Variants in USH2A observed in about 807,000 individuals in gnomAD.
USH2A encodes the protein usherin.
In USH2A, 443 loss-of-function variants were observed where a neutral mutation model predicts 538.9. That is an observed-to-expected ratio of 0.82 (90% confidence interval 0.76 to 0.89). USH2A has a LOEUF of 0.89. Ranked by LOEUF, USH2A falls within the 40% of genes least tolerant of loss-of-function variation. USH2A has a pLI of 0.00. For missense variants in USH2A, 6,633 were observed against 6,324.8 expected, an observed-to-expected ratio of 1.05 and a Z score of -1.65; for synonymous variants, 2,413 against 2,273.5, an observed-to-expected ratio of 1.06 and a Z score of -1.75.
intron 21 of USH2A, among the ~76,000 whole-genome samples, chr1:216,172,040 T>C (rs1402725710): frequency 6.6e-6 from 1 of 152,034 alleles, no homozygotes; most frequent in East Asian, 1.9e-4. Flanking sequence ...AAGGTAGATA[T>C]TGACAGGGTT....
chr1:216,150,892 G>A (rs1261426577), intron 21 of USH2A, among the ~76,000 whole-genome samples: 3 of 152,016 alleles, frequency 2.0e-5, no homozygotes, highest in Admixed American at 6.5e-5. Flanking sequence ...ACACATCACT[G>A]AAACAATTGG....
At chr1:215,927,097 A>T (rs540057187) in intron 38 of USH2A, among the ~76,000 whole-genome samples, 23 of 152,226 alleles carry the variant, frequency 1.5e-4, no homozygotes, top group South Asian at 2.1e-4. Flanking sequence ...TGTCATTATG[A>T]TTATGTCATT....
At chr1:215,724,749 T>C (rs905290023) in intron 61 of USH2A, among the ~76,000 whole-genome samples, 1 of 150,732 alleles carries the variant, frequency 6.6e-6, no homozygotes, top group Non-Finnish European at 1.5e-5. Context: ...TCACAGTCTC[T>C]GCTCTGCTCA....
At chr1:215,918,319 T>C (rs1186270938) in intron 38 of USH2A, among the ~76,000 whole-genome samples, 3 of 152,032 alleles carry the variant, frequency 2.0e-5, no homozygotes, top group African/African-American at 4.8e-5. Flanking sequence ...GCCAAGGAGA[T>C]AATATTAGGA....
At chr1:215,964,532 C>G (rs1667285381) in intron 37 of USH2A, among the ~76,000 whole-genome samples, 1 of 152,126 alleles carries the variant, frequency 6.6e-6, no homozygotes, top group African/African-American at 2.4e-5. Context: ...GCCTAAGCAA[C>G]AGACTAACAT....
chr1:216,140,202 G>T (rs1184744642), intron 21 of USH2A, among the ~76,000 whole-genome samples: 2 of 152,038 alleles, frequency 1.3e-5, no homozygotes, highest in African/African-American at 4.8e-5. Flanking sequence ...AATTAACACG[G>T]ATTGCTGTTC....
At chr1:216,389,319 G>C (rs1217540615) in intron 3 of USH2A, among the ~76,000 whole-genome samples, 1 of 152,112 alleles carries the variant, frequency 6.6e-6, no homozygotes, top group Non-Finnish European at 1.5e-5. Flanking sequence ...AAACTCAGCT[G>C]TTATTTATAA....
intron 9 of USH2A, among the ~76,000 whole-genome samples, chr1:216,316,142 G>A (rs2037504653): frequency 6.6e-6 from 1 of 151,992 alleles, no homozygotes; most frequent in Non-Finnish European, 1.5e-5. Flanking sequence ...AGAGTGCAGA[G>A]GAGAATCAGT....
rs1043380480 is a variant in USH2A at position 215,818,750 on chromosome 1, C to T, written c.9372-1555G>A. 2.0e-5 allele frequency among the ~76,000 whole-genome samples: 3 copies of T among 151,792 alleles called. No homozygotes were observed. In the Admixed American group the frequency reaches 2.0e-4, roughly 10 times the overall value. On this transcript the variant is annotated intron_variant, in intron 47 of 71. Coordinates refer to ENST00000307340, the MANE Select transcript of USH2A (RefSeq NM_206933.4). ...ATGATTTAGTCTCAGGTTAATGTTA[C>T]AGAACTTAAATTCTGCACTTAGGTC...
At chr1:216,341,918 T>C (rs1187327857) in intron 4 of USH2A, among the ~76,000 whole-genome samples, 1 of 152,136 alleles carries the variant, frequency 6.6e-6, no homozygotes. Context: ...GGCGATACCA[T>C]TCAGGACATA....
chr1:215,957,928 A>G (rs1485754622), intron 37 of USH2A, among the ~76,000 whole-genome samples: 1 of 152,142 alleles, frequency 6.6e-6, no homozygotes, highest in East Asian at 1.9e-4. Context: ...CCCAGAGGGC[A>G]GCGTGTCAGA....
intron 10 of USH2A, among the ~76,000 whole-genome samples, chr1:216,290,804 T>G (rs892288120): frequency 2.6e-5 from 4 of 152,112 alleles, no homozygotes; most frequent in Non-Finnish European, 5.9e-5. Context: ...ATTTTCTATC[T>G]CAATGGCTGG....
At chr1:216,101,255 T>A (rs943697989) in intron 21 of USH2A, among the ~76,000 whole-genome samples, 1 of 152,304 alleles carries the variant, frequency 6.6e-6, no homozygotes, top group African/African-American at 2.4e-5. Flanking sequence ...AAAGAATACA[T>A]TTAAATATAA....
At chr1:216,026,932 C>A (rs1472738132) in intron 32 of USH2A, among the ~76,000 whole-genome samples, 1 of 152,096 alleles carries the variant, frequency 6.6e-6, no homozygotes, top group Non-Finnish European at 1.5e-5. Flanking sequence ...ATGAAAGAAC[C>A]ACAGACAGGC....
chr1:216,026,436 G>C (rs1668966689), intron 32 of USH2A, among the ~76,000 whole-genome samples: 1 of 152,128 alleles, frequency 6.6e-6, no homozygotes, highest in Non-Finnish European at 1.5e-5. Context: ...AAACAATACA[G>C]AGAAATAGGA....
chr1:215,919,974 C>T (rs1000075155), intron 38 of USH2A, among the ~76,000 whole-genome samples: 2 of 151,994 alleles, frequency 1.3e-5, no homozygotes, highest in East Asian at 1.9e-4. Context: ...CTCTCTCTCT[C>T]TTAACTAAAA....
chr1:216,217,924 C>T (rs929820847), intron 14 of USH2A, among the ~76,000 whole-genome samples: 3 of 152,050 alleles, frequency 2.0e-5, no homozygotes, highest in Admixed American at 6.6e-5. Context: ...GTCAGCTAAA[C>T]ATTTAGATTA....
chr1:215,944,287 A>C (rs80201668), intron 37 of USH2A, among the ~76,000 whole-genome samples: 4 of 152,136 alleles, frequency 2.6e-5, no homozygotes, highest in African/African-American at 9.7e-5. Flanking sequence ...TGCAAAGTCT[A>C]AAGTGTTTAC....
intron 21 of USH2A, among the ~76,000 whole-genome samples, chr1:216,109,635 T>C (rs1347725423): frequency 6.6e-6 from 1 of 152,190 alleles, no homozygotes; most frequent in Non-Finnish European, 1.5e-5. Flanking sequence ...AGAACAGGAA[T>C]GCAACTGTTT....
Sources: allele counts gnomAD v4.1 joint callset (sites outside exome capture counted in the v4.1 genomes callset), GRCh38; gene constraint gnomAD v4.1.1; transcripts MANE v1.5; gene names NCBI Gene and HGNC (gene_info 2026-07-23, HGNC 2026-07-21).